Variants in HOMER2 observed in about 807,000 individuals in gnomAD.
HOMER2 encodes the protein homer scaffold protein 2.
HOMER2 carries 27 observed loss-of-function variants against 47.0 expected under a neutral mutation model. The ratio of observed to expected loss-of-function variants is 0.57; its 90% confidence interval spans 0.42 to 0.79. The LOEUF (loss-of-function observed/expected upper bound fraction) is 0.79, where lower values mean the gene tolerates loss of function less well. Ranked by LOEUF, HOMER2 falls within the 30% of genes least tolerant of loss-of-function variation. The pLI is 0.00. For synonymous variants in HOMER2, 161 were observed against 163.8 expected, an observed-to-expected ratio of 0.98 and a Z score of 0.13; for missense variants, 443 against 435.0, an observed-to-expected ratio of 1.02 and a Z score of -0.16.
At chr15:82,868,541 A>ATATATATATATTT in intron 3 of HOMER2, among the ~76,000 whole-genome samples, 3 of 71,280 alleles carry the variant, frequency 4.2e-5, no homozygotes, top group African/African-American at 5.0e-5. Flanking sequence ...ATATATATAT[A>ATATATATATATTT]TTTTTTTTTT....
intron 2 of HOMER2, among the ~76,000 whole-genome samples, chr15:82,891,057 T>C (rs1018485775): frequency 6.6e-6 from 1 of 152,166 alleles, no homozygotes; most frequent in Non-Finnish European, 1.5e-5. Context: ...ATCCTGGGGA[T>C]GCGCTATCAT....
upstream of HOMER2, among the ~76,000 whole-genome samples, chr15:82,953,087 G>A (rs1008747997): frequency 9.2e-5 from 14 of 152,228 alleles, no homozygotes; most frequent in African/African-American, 3.1e-4. Context: ...GGGAGGGTAA[G>A]TGATTTGCCC....
intron 4 of HOMER2, among the ~76,000 whole-genome samples, chr15:82,860,387 G>C (rs1384943674): frequency 6.6e-6 from 1 of 152,062 alleles, no homozygotes; most frequent in African/African-American, 2.4e-5. Flanking sequence ...GAGCAAATGA[G>C]TAGGTGCACA....
At chr15:82,855,324 C>CCAAAAAAAA (rs2051543451) in intron 5 of HOMER2, among the ~76,000 whole-genome samples, 1 of 12,050 alleles carries the variant, frequency 8.3e-5, no homozygotes, top group Non-Finnish European at 1.4e-4. Flanking sequence ...GACTCCATCT[C>CCAAAAAAAA]CAAAAAAAAA....
At chr15:82,945,473 GAC>G (rs779315991) in intron 1 of HOMER2, among the ~76,000 whole-genome samples, 2 of 152,028 alleles carry the variant, frequency 1.3e-5, no homozygotes, top group Non-Finnish European at 2.9e-5. Flanking sequence ...CATACATCTA[GAC>G]ACACACAGAC....
intron 1 of HOMER2, among the ~76,000 whole-genome samples, chr15:82,928,940 T>TAAAAAAAAAAAAAAAAACA (rs2053927442): frequency 2.5e-5 from 1 of 39,940 alleles, no homozygotes; most frequent in Non-Finnish European, 4.0e-5. Flanking sequence ...AAATAAAAAC[T>TAAAAAAAAAAAAAAAAACA]AAAAAAAAAA....
Position 82,854,781 on chromosome 15 carries a change from A to G in HOMER2, c.514T>C (p.Trp172Arg), listed in dbSNP as rs1555418883. Residue 172 changes from tryptophan (W) to arginine (R), a missense_variant, in exon 6 of 9, where the codon TGG becomes CGG. Trp to Arg is a moderately radical substitution (Grantham distance 101). Coordinates refer to ENST00000450735, the MANE Select transcript of HOMER2 (RefSeq NM_004839.4). ...LTQSAANVKK[W>R]EIELQTLRES... is the part of the protein sequence containing the mutation. The stretch of plus-strand genomic sequence containing the variant: ...CGAAGGGTCTGCAGCTCGATCTCCC[A>G]CTTCTTCACGTTGGCTGCGCTGCAG... 6.2e-7 allele frequency: 1 copy of G among 1,609,986 alleles called. No individual in the cohort carries two copies. Among genetic ancestry groups the G allele is most frequent in the Non-Finnish European group, 8.5e-7 (1 of 1,179,588 alleles).
At chr15:82,966,522 T>C (rs2054676879) in intron 1 of HOMER2, among the ~76,000 whole-genome samples, 1 of 152,128 alleles carries the variant, frequency 6.6e-6, no homozygotes, top group African/African-American at 2.4e-5. Flanking sequence ...AGGATACTAG[T>C]TTGGACAGTG....
At chr15:82,985,805 G>A (rs1416192961) in exon 1 of HOMER2, 1 of 152,324 alleles carries the variant, frequency 6.6e-6, no homozygotes, top group East Asian at 1.9e-4. Context: ...GCCCAGGCAG[G>A]AGAGAAAGGT....
At chr15:82,972,401 G>A (rs925159288) in intron 1 of HOMER2, among the ~76,000 whole-genome samples, 5 of 152,182 alleles carry the variant, frequency 3.3e-5, no homozygotes, top group African/African-American at 1.2e-4. Flanking sequence ...TCTGTTGCAG[G>A]CCATGGCCAC....
At chr15:82,918,489 A>G (rs1386170842) in intron 1 of HOMER2, among the ~76,000 whole-genome samples, 4 of 152,072 alleles carry the variant, frequency 2.6e-5, no homozygotes, top group Admixed American at 2.6e-4. Flanking sequence ...GCCCCACCTC[A>G]GCAGGTGAGG....
chr15:82,850,205 C>A (rs1018988906), intron 8 of HOMER2, among the ~76,000 whole-genome samples: 14 of 152,246 alleles, frequency 9.2e-5, no homozygotes, highest in African/African-American at 3.4e-4. Flanking sequence ...TGAGGGAGAC[C>A]TCACACAGGG....
intron 1 of HOMER2, among the ~76,000 whole-genome samples, chr15:82,941,799 C>A (rs1409223370): frequency 6.6e-6 from 1 of 152,132 alleles, no homozygotes; most frequent in South Asian, 2.1e-4. Context: ...CATCTCCATG[C>A]CTATTATTAA....
intron 1 of HOMER2, among the ~76,000 whole-genome samples, chr15:82,914,412 A>G (rs1006417460): frequency 2.0e-5 from 3 of 151,632 alleles, no homozygotes; most frequent in Non-Finnish European, 2.9e-5. Context: ...AGTCCACTAT[A>G]TGCTACAACA....
chr15:82,905,399 C>T (rs1486555723), intron 1 of HOMER2, among the ~76,000 whole-genome samples: 1 of 151,460 alleles, frequency 6.6e-6, no homozygotes, highest in African/African-American at 2.4e-5. Flanking sequence ...TCAGAAGCAA[C>T]ATTTGAAGCA....
chr15:82,890,808 TAA>T, intron 2 of HOMER2, among the ~76,000 whole-genome samples: 1 of 152,184 alleles, frequency 6.6e-6, no homozygotes, highest in Admixed American at 6.5e-5. Context: ...AATCTATAGA[TAA>T]AAGAAAGCAG....
intron 1 of HOMER2, among the ~76,000 whole-genome samples, chr15:82,961,337 T>TG (rs2054628812): frequency 6.6e-6 from 1 of 152,252 alleles, no homozygotes; most frequent in Non-Finnish European, 1.5e-5. Context: ...GTGCGCAGGT[T>TG]GGGGGGTACT....
intron 2 of HOMER2, among the ~76,000 whole-genome samples, chr15:82,878,206 G>A (rs1394305381): frequency 6.6e-6 from 1 of 152,220 alleles, no homozygotes; most frequent in African/African-American, 2.4e-5. Flanking sequence ...GCTGGCCAGA[G>A]TATAGGATAT....
chr15:82,859,487 C>T (rs2051702903), intron 4 of HOMER2, among the ~76,000 whole-genome samples: 1 of 152,086 alleles, frequency 6.6e-6, no homozygotes, highest in South Asian at 2.1e-4. Context: ...GAGAAACCCA[C>T]CAAACTTGGG....
Sources: gnomAD v4.1 joint callset for allele counts (sites outside exome capture counted in the v4.1 genomes callset) on GRCh38, gnomAD v4.1.1 for gene constraint, MANE v1.5 for transcripts, NCBI Gene and HGNC (gene_info 2026-07-23, HGNC 2026-07-21) for gene names.